APBA2: variants seen among roughly 807,000 people sequenced by gnomAD.
APBA2 encodes amyloid beta precursor protein binding family A member 2, also known as amyloid-beta A4 precursor protein-binding family A member 2.
A neutral mutation model predicts 75.0 loss-of-function variants in APBA2; 30 were observed. The ratio of observed to expected loss-of-function variants is 0.40; its 90% CI spans 0.30 to 0.54. The LOEUF (loss-of-function observed/expected upper bound fraction) is 0.54. Among genes scored for constraint, APBA2 ranks in the 20% least tolerant of loss-of-function variants. APBA2 has a pLI of 0.49. For missense variants in APBA2, 801 were observed against 1,016.1 expected, an observed-to-expected ratio of 0.79 and a Z score of 2.88; for synonymous variants, 444 against 409.6, an observed-to-expected ratio of 1.08 and a Z score of -1.01.
intron 2 of APBA2, among the ~76,000 whole-genome samples, chr15:28,987,509 T>C (rs1003107174): frequency 6.6e-6 from 1 of 151,894 alleles, no homozygotes; most frequent in Non-Finnish European, 1.5e-5. Flanking sequence ...CCTCACAACA[T>C]GGCAGGCGGA....
chr15:29,095,202 C>T (rs1161478884), intron 8 of APBA2, among the ~76,000 whole-genome samples: 8 of 152,120 alleles, frequency 5.3e-5, no homozygotes, highest in African/African-American at 2.4e-5. Flanking sequence ...CCGAGGCGGG[C>T]GGATCACCTG....
At chr15:28,915,128 A>C (rs1433688581) in intron 1 of APBA2, among the ~76,000 whole-genome samples, 108 of 3,806 alleles carry the variant, frequency 0.028, 7 homozygotes, top group East Asian at 0.045. Context: ...CACACACTTA[A>C]CCCATATATA....
intron 4 of APBA2, among the ~76,000 whole-genome samples, chr15:29,060,679 G>A (rs543045160): frequency 2.2e-4 from 34 of 152,270 alleles, no homozygotes; most frequent in African/African-American, 6.7e-4. Context: ...CAGTGCTAAC[G>A]TGTCCTAAGT....
chr15:29,008,640 T>G (rs1451571367), intron 3 of APBA2, among the ~76,000 whole-genome samples: 1 of 152,096 alleles, frequency 6.6e-6, no homozygotes, highest in Non-Finnish European at 1.5e-5. Context: ...GCCTGGAAGT[T>G]CGAGGCTGCA....
At chr15:28,928,117 C>T (rs1224052717) in intron 2 of APBA2, among the ~76,000 whole-genome samples, 1 of 143,384 alleles carries the variant, frequency 7.0e-6, no homozygotes, top group Non-Finnish European at 1.5e-5. Context: ...GTACTCCAGC[C>T]TGGGCAACAG....
At chr15:29,040,455 T>C (rs1291288914) in intron 3 of APBA2, among the ~76,000 whole-genome samples, 2 of 152,208 alleles carry the variant, frequency 1.3e-5, no homozygotes, top group Non-Finnish European at 2.9e-5. Flanking sequence ...ACCAACTCCA[T>C]GTATGGGATA....
intron 3 of APBA2, among the ~76,000 whole-genome samples, chr15:28,999,138 C>T (rs1422277172): frequency 1.3e-5 from 2 of 148,630 alleles, no homozygotes; most frequent in Admixed American, 6.7e-5. Flanking sequence ...CAGAATGAGA[C>T]TCCATCTCAA....
intron 2 of APBA2, among the ~76,000 whole-genome samples, chr15:28,950,706 G>A (rs182467492): frequency 1.3e-5 from 2 of 152,236 alleles, no homozygotes; most frequent in East Asian, 1.9e-4. Flanking sequence ...GATGTGCAGA[G>A]CCCATGCTTA....
At chr15:29,058,876 T>C (rs1296704356) in intron 4 of APBA2, among the ~76,000 whole-genome samples, 1 of 152,274 alleles carries the variant, frequency 6.6e-6, no homozygotes, top group African/African-American at 2.4e-5. Context: ...AATTCCACTG[T>C]AGAGTTTTCA....
chr15:28,888,170 A>G (rs2031883080), intron 1 of APBA2, among the ~76,000 whole-genome samples: 1 of 152,222 alleles, frequency 6.6e-6, no homozygotes, highest in Non-Finnish European at 1.5e-5. Flanking sequence ...TTAGTTTTAC[A>G]GGCATAATTG....
At chr15:28,900,042 A>G (rs890073700) in intron 1 of APBA2, among the ~76,000 whole-genome samples, 6 of 152,080 alleles carry the variant, frequency 3.9e-5, no homozygotes, top group Admixed American at 2.0e-4. Flanking sequence ...GAGGACCTCA[A>G]TGTTGTGTCA....
chr15:28,906,586 G>A (rs1024615302), intron 1 of APBA2, among the ~76,000 whole-genome samples: 1 of 152,208 alleles, frequency 6.6e-6, no homozygotes, highest in Non-Finnish European at 1.5e-5. Context: ...TGGACAGGTG[G>A]TGACCATTTT....
chr15:29,082,808 C>G (rs975658297), intron 6 of APBA2, among the ~76,000 whole-genome samples: 2 of 152,128 alleles, frequency 1.3e-5, no homozygotes, highest in Admixed American at 1.3e-4. Flanking sequence ...TGCCTGTAAT[C>G]CCAGCACTTT....
At chr15:28,943,951 G>A (rs77921080) in intron 2 of APBA2, among the ~76,000 whole-genome samples, 2,399 of 152,196 alleles carry the variant, frequency 0.016, 72 homozygotes, top group African/African-American at 0.055. Flanking sequence ...GTGCCCTGCC[G>A]TGGCCCCCAT....
intron 2 of APBA2, among the ~76,000 whole-genome samples, chr15:28,969,505 G>A (rs2036950699): frequency 1.3e-5 from 2 of 152,104 alleles, no homozygotes; most frequent in African/African-American, 4.8e-5. Context: ...AAATAAAAAG[G>A]AGATAACCTG....
At chr15:29,008,710 GAAC>G (rs1478612264) in intron 3 of APBA2, among the ~76,000 whole-genome samples, 1 of 152,048 alleles carries the variant, frequency 6.6e-6, no homozygotes, top group Non-Finnish European at 1.5e-5. Context: ...TCCCATCTCA[GAAC>G]AACAACAAAA....
At chr15:28,894,195 G>A (rs1225668051) in intron 1 of APBA2, among the ~76,000 whole-genome samples, 7 of 152,294 alleles carry the variant, frequency 4.6e-5, no homozygotes, top group Admixed American at 2.0e-4. Context: ...TGGTAGAACC[G>A]GGGGCAGGTA....
intron 3 of APBA2, among the ~76,000 whole-genome samples, chr15:29,002,323 C>T (rs1041013725): frequency 6.6e-6 from 1 of 152,206 alleles, no homozygotes; most frequent in Non-Finnish European, 1.5e-5. Context: ...TCCTGTATCG[C>T]AGCAGAGCAT....
intron 6 of APBA2, among the ~76,000 whole-genome samples, chr15:29,082,579 A>C (rs553895285): frequency 2.6e-5 from 4 of 152,290 alleles, no homozygotes; most frequent in African/African-American, 9.6e-5. Flanking sequence ...ATATAAAGGA[A>C]ATGAACCCTT....
Sources: gnomAD v4.1 joint callset for allele counts (sites outside exome capture counted in the v4.1 genomes callset) on GRCh38, gnomAD v4.1.1 for gene constraint, MANE v1.5 for transcripts, NCBI Gene and HGNC (gene_info 2026-07-23, HGNC 2026-07-21) for gene names.